Variants in LMO1 observed in about 807,000 individuals in gnomAD.
LMO1 encodes the protein rhombotin-1.
In LMO1, 10 loss-of-function variants were observed where a neutral mutation model predicts 18.0. The ratio of observed to expected loss-of-function variants is 0.55; its 90% confidence interval spans 0.34 to 0.94. The LOEUF (loss-of-function observed/expected upper bound fraction) is 0.94, where lower values mean the gene tolerates loss of function less well. Among genes scored for constraint, LMO1 ranks in the 40% least tolerant of loss-of-function variants. The pLI is 0.02. For synonymous variants in LMO1, 77 were observed against 77.9 expected, an observed-to-expected ratio of 0.99 and a Z score of 0.06; for missense variants, 183 against 205.7, an observed-to-expected ratio of 0.89 and a Z score of 0.68.
chr11:8,224,693 T>G lies in LMO1; in HGVS notation c.394A>C (p.Lys132Gln). Residue 132 changes from lysine to glutamine, a missense_variant, in exon 4 of 4, where the codon AAG becomes CAG. Transcript: ENST00000335790. The part of the protein sequence containing the change: ...RFCVGDKFFL[K>Q]NNMILCQMDY... Reference sequence around the variant, plus strand: ...ATCTGACACAAGATCATGTTGTTCTTCAGGAAGAATTTGTCTCCCACACAA... The same window carrying G: ...ATCTGACACAAGATCATGTTGTTCTGCAGGAAGAATTTGTCTCCCACACAA... The G allele has an allele frequency of 6.2e-7, 1 of 1,607,684 alleles. No homozygotes were observed. The highest frequency in any genetic ancestry group is 8.5e-7 in the Non-Finnish European group (1 of 1,176,912).
At chr11:8,244,970 T>C (rs557936906) in intron 1 of LMO1, among the ~76,000 whole-genome samples, 1 of 152,340 alleles carries the variant, frequency 6.6e-6, no homozygotes, top group South Asian at 2.1e-4. Context: ...CCCTGCATCC[T>C]CTTCACCCCT....
At chr11:8,260,506 G>A (rs1023256813) in intron 1 of LMO1, among the ~76,000 whole-genome samples, 8 of 152,034 alleles carry the variant, frequency 5.3e-5, no homozygotes, top group Admixed American at 1.3e-4. Context: ...AGATCTTTCC[G>A]TCTCTGTGGT....
upstream of LMO1, among the ~76,000 whole-genome samples, chr11:8,266,966 A>T (rs1364531059): frequency 6.6e-6 from 1 of 152,240 alleles, no homozygotes; most frequent in Admixed American, 6.5e-5. Context: ...TGCAATCAGG[A>T]TGCCTGCTGG....
intron 1 of LMO1, among the ~76,000 whole-genome samples, chr11:8,254,275 A>C (rs1329937334): frequency 6.6e-6 from 1 of 152,254 alleles, no homozygotes; most frequent in African/African-American, 2.4e-5. Context: ...AAGTAAAAAG[A>C]ATCAAGCAAT....
At chr11:8,234,501 G>A (rs1952727059) in intron 1 of LMO1, among the ~76,000 whole-genome samples, 1 of 152,170 alleles carries the variant, frequency 6.6e-6, no homozygotes, top group Non-Finnish European at 1.5e-5. Context: ...CAAGCCCACA[G>A]GCTCCAGTAC....
chr11:8,237,273 G>A (rs1952776698), intron 1 of LMO1, among the ~76,000 whole-genome samples: 1 of 152,068 alleles, frequency 6.6e-6, no homozygotes. Flanking sequence ...CCCAAACCAA[G>A]CCTACCAGCA....
chr11:8,263,086 G>C (rs928622878), intron 1 of LMO1, among the ~76,000 whole-genome samples: 1 of 151,666 alleles, frequency 6.6e-6, no homozygotes, highest in East Asian at 1.9e-4. Context: ...TCCTCGGCTC[G>C]CGGCCGGGAC....
chr11:8,251,459 G>A (rs922174239), intron 1 of LMO1, among the ~76,000 whole-genome samples: 1 of 152,160 alleles, frequency 6.6e-6, no homozygotes, highest in Admixed American at 6.5e-5. Context: ...AAAGAAGCGG[G>A]GCCCTCAATC....
intron 2 of LMO1, among the ~76,000 whole-genome samples, chr11:8,228,250 G>C (rs910725443): frequency 3.9e-5 from 6 of 152,356 alleles, no homozygotes; most frequent in African/African-American, 1.4e-4. Context: ...CCAGCCCTTG[G>C]CTGGATGTCC....
intron 1 of LMO1, among the ~76,000 whole-genome samples, chr11:8,248,976 C>A (rs1006074010): frequency 6.6e-6 from 1 of 152,194 alleles, no homozygotes; most frequent in Non-Finnish European, 1.5e-5. Flanking sequence ...GCTGGGCAAG[C>A]AAGGGCCTCA....
chr11:8,260,065 C>A (rs1847160537), intron 1 of LMO1, among the ~76,000 whole-genome samples: 1 of 152,164 alleles, frequency 6.6e-6, no homozygotes, highest in African/African-American at 2.4e-5. Flanking sequence ...CTGAGAGCAT[C>A]CCAGCATCCC....
At chr11:8,235,374 T>C (rs1284083628) in intron 1 of LMO1, among the ~76,000 whole-genome samples, 1 of 152,182 alleles carries the variant, frequency 6.6e-6, no homozygotes, top group Non-Finnish European at 1.5e-5. Flanking sequence ...CATTTGAGAG[T>C]TGGTTTCAAA....
chr11:8,259,084 A>C (rs1847144456), intron 1 of LMO1, among the ~76,000 whole-genome samples: 2 of 152,318 alleles, frequency 1.3e-5, no homozygotes, highest in Non-Finnish European at 2.9e-5. Flanking sequence ...AATAGCCGTT[A>C]AAAGCAATCC....
intron 1 of LMO1, among the ~76,000 whole-genome samples, chr11:8,231,276 A>T (rs1952652931): frequency 6.6e-6 from 1 of 152,176 alleles, no homozygotes; most frequent in Non-Finnish European, 1.5e-5. Flanking sequence ...CAACATACAC[A>T]CAGGCACCAA....
upstream of LMO1, among the ~76,000 whole-genome samples, chr11:8,266,934 A>C (rs1212681723): frequency 6.6e-6 from 1 of 152,270 alleles, no homozygotes; most frequent in Non-Finnish European, 1.5e-5. Flanking sequence ...GACAGGACAG[A>C]GTAAACCTAC....
At chr11:8,268,487 G>C, upstream of LMO1, 1 of 1,383,980 alleles carries the variant, frequency 7.2e-7, no homozygotes, top group Non-Finnish European at 9.4e-7. Flanking sequence ...CCGAGGATAC[G>C]GAGGGGCGCG....
chr11:8,228,241 C>T (rs1952583373), intron 2 of LMO1, among the ~76,000 whole-genome samples: 1 of 152,238 alleles, frequency 6.6e-6, no homozygotes, highest in Non-Finnish European at 1.5e-5. Flanking sequence ...CCATGCAGGC[C>T]AGCCCTTGGC....
chr11:8,255,818 C>CTTTTTTTT lies in LMO1; in HGVS notation c.25+7512_25+7519dup, dbSNP rs57425549. Among the ~76,000 whole-genome samples the CTTTTTTTT allele has an allele frequency of 7.2e-4, 62 of 86,360 alleles. 5 individuals are homozygous for CTTTTTTTT. The highest frequency in any genetic ancestry group is 7.5e-4 in the African/African-American group (15 of 20,030). The allele number at this position is 86,360 out of a possible 152,430, so 56.7% of individuals were successfully genotyped here. ...TACATACAGATAGCACAATGCCGCA[C>CTTTTTTTT]TTTTTTTTTTTTTTTTTTTTTTTTT... On this transcript the variant is annotated intron_variant, in intron 1 of 3. Transcript: ENST00000335790.
At chr11:8,258,233 C>T (rs1847129332) in intron 1 of LMO1, among the ~76,000 whole-genome samples, 1 of 152,208 alleles carries the variant, frequency 6.6e-6, no homozygotes. Context: ...CTGATCAGGG[C>T]TTTCTGGGAG....
Sources: allele counts gnomAD v4.1 joint callset (sites outside exome capture counted in the v4.1 genomes callset), GRCh38; gene constraint gnomAD v4.1.1; transcripts MANE v1.5; gene names NCBI Gene and HGNC (gene_info 2026-07-23, HGNC 2026-07-21).